The following PIGK variants were observed in gnomAD, a reference collection of about 807,000 sequenced individuals.
PIGK encodes phosphatidylinositol glycan anchor biosynthesis class K.
A neutral mutation model predicts 50.6 loss-of-function variants in PIGK; 42 were observed. The observed-to-expected ratio is 0.83, with a 90% CI of 0.65 to 1.07. The LOEUF is 1.07. PIGK is among the 50% of genes least tolerant of loss of function. The pLI is 0.00. For missense variants in PIGK, 448 were observed against 488.7 expected, an observed-to-expected ratio of 0.92 and a Z score of 0.78; for synonymous variants, 151 against 156.0, an observed-to-expected ratio of 0.97 and a Z score of 0.24.
intron 3 of PIGK, among the ~76,000 whole-genome samples, chr1:77,184,023 G>A (rs150268401): frequency 0.012 from 1,848 of 152,222 alleles, 17 homozygotes; most frequent in Non-Finnish European, 0.02. Context: ...AGTGGGAACC[G>A]CAGTTGCTCA....
At chr1:77,141,491 T>C (rs898599869) in intron 9 of PIGK, among the ~76,000 whole-genome samples, 1 of 152,090 alleles carries the variant, frequency 6.6e-6, no homozygotes, top group Non-Finnish European at 1.5e-5. Context: ...ACTTTCAGAA[T>C]AATAAGTCAC....
chr1:77,159,448 G>A (rs1166173577), intron 8 of PIGK, among the ~76,000 whole-genome samples: 1 of 152,162 alleles, frequency 6.6e-6, no homozygotes, highest in Non-Finnish European at 1.5e-5. Context: ...TGTGAGAAGA[G>A]GGCCACCGTC....
chr1:77,219,169 C>T (rs976661374), intron 1 of PIGK, 141 bp downstream of exon 1: 41 of 624,528 alleles, frequency 6.6e-5, no homozygotes, highest in African/African-American at 6.5e-4. Context: ...TAACCCGTGC[C>T]CAGTGATACC....
At chr1:77,157,278 A>G (rs1655029461) in intron 8 of PIGK, among the ~76,000 whole-genome samples, 1 of 152,224 alleles carries the variant, frequency 6.6e-6, no homozygotes, top group South Asian at 2.1e-4. Flanking sequence ...CAGAAAATCA[A>G]TCATTCTTAT....
chr1:77,146,962 G>A (rs1161181370), intron 9 of PIGK, among the ~76,000 whole-genome samples: 1 of 152,062 alleles, frequency 6.6e-6, no homozygotes, highest in African/African-American at 2.4e-5. Flanking sequence ...GAGGGAAGAT[G>A]AGGGAAAGAA....
chr1:77,219,281 G>C (rs149116415), intron 1 of PIGK, 29 bp downstream of exon 1: 23 of 1,589,602 alleles, frequency 1.4e-5, no homozygotes, highest in Non-Finnish European at 2.0e-5. Flanking sequence ...CCGGCCTCCC[G>C]GCTGTGGTCA....
intron 2 of PIGK, among the ~76,000 whole-genome samples, chr1:77,209,124 C>T (rs1016708892): frequency 1.3e-5 from 2 of 152,112 alleles, no homozygotes; most frequent in Non-Finnish European, 2.9e-5. Context: ...TTTCCTGCCT[C>T]TTTGAACCTA....
intron 6 of PIGK, among the ~76,000 whole-genome samples, chr1:77,162,521 A>G (rs943077042): frequency 1.3e-5 from 2 of 152,176 alleles, no homozygotes; most frequent in Non-Finnish European, 2.9e-5. Flanking sequence ...TGAAGTCTGG[A>G]TCTTATCCTA....
chr1:77,099,356 A>T (rs561222324), intron 10 of PIGK, among the ~76,000 whole-genome samples: 1 of 152,266 alleles, frequency 6.6e-6, no homozygotes, highest in East Asian at 1.9e-4. Context: ...ATACTTACCT[A>T]AGCTTTTGAA....
Position 77,091,641 on chromosome 1 carries a change from A to T in PIGK, c.*733T>A, listed in dbSNP as rs1369153454. 4 of 152,194 alleles carry T rather than the reference A, an allele frequency of 2.6e-5. No individual in the cohort carries two copies. In the East Asian group the frequency reaches 7.7e-4, roughly 29 times the overall value. 9.4% of individuals were successfully genotyped at this position (152,194 alleles called of 1,614,324 possible). On this transcript the variant is annotated 3_prime_UTR_variant, in exon 11 of 11. Coordinates refer to ENST00000370812, the MANE Select transcript of PIGK (RefSeq NM_005482.3). ...CAAAGGTCTAAAATTTCCCAAATAAACTGACAACAAACATATAAGGTCCTG... is the reference window on the plus strand; with the variant it reads ...CAAAGGTCTAAAATTTCCCAAATAATCTGACAACAAACATATAAGGTCCTG...
intron 10 of PIGK, among the ~76,000 whole-genome samples, chr1:77,121,475 T>C (rs1406598193): frequency 6.6e-6 from 1 of 152,164 alleles, no homozygotes; most frequent in Admixed American, 6.5e-5. Context: ...TTCTAATCAA[T>C]ACATATCAGC....
intron 3 of PIGK, among the ~76,000 whole-genome samples, chr1:77,172,551 C>T (rs530303463): frequency 1.2e-4 from 18 of 152,246 alleles, no homozygotes; most frequent in South Asian, 1.0e-3. Context: ...CAGTTAGAGG[C>T]TTCTTACATC....
chr1:77,126,672 T>G lies in PIGK; in HGVS notation c.987-4313A>C, dbSNP rs183964321. Among the ~76,000 whole-genome samples, 667 of 152,284 alleles carry G rather than the reference T, an allele frequency of 4.4e-3. 5 individuals are homozygous for G. The highest frequency in any genetic ancestry group is 0.016 in the African/African-American group (645 of 41,560). ...AAGATTGTCACCTTAAGGTCATCCA[T>G]ACATTCTAAGCCCCATCTTGCAAAT... On this transcript the variant is annotated intron_variant, in intron 9 of 10. Coordinates refer to ENST00000370812, the MANE Select transcript of PIGK (RefSeq NM_005482.3).
chr1:77,210,893 T>C (rs1308432571), intron 1 of PIGK, among the ~76,000 whole-genome samples: 1 of 152,066 alleles, frequency 6.6e-6, no homozygotes, highest in Non-Finnish European at 1.5e-5. Flanking sequence ...TAAAATATTA[T>C]TTAGCATTAC....
intron 9 of PIGK, among the ~76,000 whole-genome samples, chr1:77,141,082 C>T (rs1396172428): frequency 6.6e-6 from 1 of 152,008 alleles, no homozygotes. Flanking sequence ...CACATCTTTG[C>T]TATAAAGAAA....
chr1:77,169,445 T>A (rs1376099070), intron 3 of PIGK, 50 bp from the exon 4 acceptor site: 1 of 1,441,582 alleles, frequency 6.9e-7, no homozygotes, highest in African/African-American at 1.4e-5. Flanking sequence ...AAGGAAAAAG[T>A]TAAACACAAA....
intron 3 of PIGK, among the ~76,000 whole-genome samples, chr1:77,188,019 C>G (rs1033938798): frequency 2.0e-5 from 3 of 152,200 alleles, no homozygotes; most frequent in Non-Finnish European, 4.4e-5. Flanking sequence ...ATCTCTTAAT[C>G]CTGTCAGCCG....
At chr1:77,149,319 A>T (rs1654842067) in intron 9 of PIGK, among the ~76,000 whole-genome samples, 2 of 152,162 alleles carry the variant, frequency 1.3e-5, no homozygotes, top group South Asian at 4.1e-4. Context: ...GACTAACTGG[A>T]TTAAAAAACA....
intron 3 of PIGK, among the ~76,000 whole-genome samples, chr1:77,202,413 G>A (rs1656190588): frequency 6.6e-6 from 1 of 152,160 alleles, no homozygotes; most frequent in Non-Finnish European, 1.5e-5. Context: ...CTGGACATCA[G>A]AAAACTAGAG....
Sources: allele counts gnomAD v4.1 joint callset (sites outside exome capture counted in the v4.1 genomes callset), GRCh38; gene constraint gnomAD v4.1.1; transcripts MANE v1.5; gene names NCBI Gene and HGNC (gene_info 2026-07-23, HGNC 2026-07-21).